The following MTRFR variants were observed in gnomAD, a reference collection of about 807,000 sequenced individuals.
The protein encoded by MTRFR is probable peptide chain release factor C12orf65, mitochondrial.
Under a neutral mutation model 11.9 loss-of-function variants are expected in MTRFR, and 10 were observed. The observed-to-expected ratio is 0.84, with a 90% CI of 0.52 to 1.42. The LOEUF (loss-of-function observed/expected upper bound fraction) is 1.42. Among genes scored for constraint, MTRFR ranks in the 40% most tolerant of loss-of-function variants. The pLI, the probability that MTRFR is intolerant of heterozygous loss-of-function variation, is 0.00. For missense variants in MTRFR, 196 were observed against 197.9 expected, an observed-to-expected ratio of 0.99 and a Z score of 0.06; for synonymous variants, 77 against 79.1, an observed-to-expected ratio of 0.97 and a Z score of 0.14.
intron 1 of MTRFR, chr12:123,251,622 T>G (rs112690433): frequency 0.052 from 7,994 of 152,522 alleles, 287 homozygotes; most frequent in Middle Eastern, 0.081. Flanking sequence ...AGTGGGGGGG[T>G]GTGTGTTCGG....
intron 1 of MTRFR, chr12:123,250,430 G>C (rs547870403): frequency 6.6e-6 from 1 of 152,230 alleles, no homozygotes; most frequent in East Asian, 1.9e-4. Flanking sequence ...ATGTTTTTTG[G>C]GGGGTGTTGA....
At chr12:123,236,264 TTTTC>T (rs967137692) in intron 1 of MTRFR, among the ~76,000 whole-genome samples, 3 of 152,168 alleles carry the variant, frequency 2.0e-5, no homozygotes, top group East Asian at 1.9e-4. Flanking sequence ...GCATCTCTTA[TTTTC>T]TTTATTTGTA....
intron 1 of MTRFR, among the ~76,000 whole-genome samples, chr12:123,245,923 T>C (rs764933732): frequency 1.3e-5 from 2 of 152,196 alleles, no homozygotes; most frequent in African/African-American, 2.4e-5. Context: ...TTGCTCTAGC[T>C]AGGACTTCCA....
At chr12:123,249,053 A>C (rs1049193339) in intron 1 of MTRFR, 1 of 151,984 alleles carries the variant, frequency 6.6e-6, no homozygotes, top group Non-Finnish European at 1.5e-5. Context: ...GCTAGACACA[A>C]AAGTTCTCCA....
intron 1 of MTRFR, chr12:123,248,662 C>T (rs569484299): frequency 6.6e-6 from 1 of 152,310 alleles, no homozygotes; most frequent in South Asian, 2.1e-4. Context: ...GAGTGAGCAG[C>T]AGTAACATTT....
At chr12:123,233,027 T>G (rs1267141287), upstream of MTRFR, 1 of 152,202 alleles carries the variant, frequency 6.6e-6, no homozygotes, top group Non-Finnish European at 1.5e-5. Context: ...AAGTCTCGTC[T>G]CCTGTCCCCA....
intron 1 of MTRFR, chr12:123,251,402 C>A (rs1038873188): frequency 3.3e-5 from 5 of 152,282 alleles, no homozygotes; most frequent in African/African-American, 4.8e-5. Context: ...CTAGAGAATT[C>A]TTCTCCCTGT....
intron 1 of MTRFR, chr12:123,250,862 T>C (rs1047194519): frequency 6.6e-6 from 1 of 152,230 alleles, no homozygotes; most frequent in Non-Finnish European, 1.5e-5. Flanking sequence ...TGTGGTAATA[T>C]GGGGAGGAAC....
chr12:123,255,617 CAG>C (rs904177384), intron 2 of MTRFR, among the ~76,000 whole-genome samples: 3 of 151,970 alleles, frequency 2.0e-5, no homozygotes, highest in African/African-American at 7.2e-5. Context: ...CCACCACACT[CAG>C]TGTTTTTTGT....
chr12:123,241,044 G>T (rs371298056), intron 1 of MTRFR, among the ~76,000 whole-genome samples: 2 of 150,012 alleles, frequency 1.3e-5, no homozygotes, highest in Non-Finnish European at 3.0e-5. Context: ...TCAGAGACAC[G>T]AAATGAAAGG....
intron 1 of MTRFR, among the ~76,000 whole-genome samples, chr12:123,235,686 CTTAA>C (rs1285187581): frequency 6.6e-6 from 1 of 151,260 alleles, no homozygotes; most frequent in Non-Finnish European, 1.5e-5. Flanking sequence ...AGTGAGTTAT[CTTAA>C]TTAATTGTTC....
At chr12:123,245,334 T>C (rs2048023803) in intron 1 of MTRFR, among the ~76,000 whole-genome samples, 1 of 152,220 alleles carries the variant, frequency 6.6e-6, no homozygotes, top group South Asian at 2.1e-4. Context: ...AGATTTGTAC[T>C]TTTTGCTTAG....
At chr12:123,236,901 C>T (rs560072046) in intron 1 of MTRFR, among the ~76,000 whole-genome samples, 3 of 151,932 alleles carry the variant, frequency 2.0e-5, no homozygotes, top group African/African-American at 7.2e-5. Flanking sequence ...CTGAGAAACA[C>T]GGTGAATCCC....
At chr12:123,247,995 T>C (rs962257957) in intron 1 of MTRFR, among the ~76,000 whole-genome samples, 44 of 152,238 alleles carry the variant, frequency 2.9e-4, no homozygotes, top group African/African-American at 9.1e-4. Flanking sequence ...TTGTGCTCTT[T>C]GTTGCCTGTG....
At chr12:123,244,960 T>TTTTTTTTTTTTA (rs71085871) in intron 1 of MTRFR, among the ~76,000 whole-genome samples, 1 of 118,426 alleles carries the variant, frequency 8.4e-6, no homozygotes, top group Non-Finnish European at 1.7e-5. Flanking sequence ...TTTTTTTTTT[T>TTTTTTTTTTTTA]AGACAGAGTC....
intron 1 of MTRFR, among the ~76,000 whole-genome samples, chr12:123,246,825 G>A (rs544634086): frequency 2.9e-5 from 4 of 136,880 alleles, no homozygotes; most frequent in Non-Finnish European, 6.1e-5. Context: ...CCACCTCCCG[G>A]GTTCACGCCA....
rs776309478 is a variant in MTRFR, at chr12:123,253,679, G to A, written c.5G>A (p.Ser2Asn). The A allele has an allele frequency of 2.5e-6, 4 of 1,614,114 alleles. No individual in the cohort carries two copies. The highest frequency in any genetic ancestry group is 1.1e-5 in the South Asian group (1 of 91,074). The change falls in exon 2 of 3, where the codon AGC becomes AAC. Residue 2 changes from serine (S) to asparagine (N), a missense_variant. Physicochemically the swap from Ser to Asn is conservative, Grantham distance 46. Coordinates refer to ENST00000253233, the MANE Select transcript of MTRFR (RefSeq NM_152269.5). Reference protein sequence around the residue: MSTVGLFHFPTP... With the variant: MNTVGLFHFPTP... Reference sequence around the variant, plus strand: ...GCCAGCAGAGCCACGTTCCTTATGAGCACCGTGGGTTTATTTCATTTTCCT... The same window carrying A: ...GCCAGCAGAGCCACGTTCCTTATGAACACCGTGGGTTTATTTCATTTTCCT...
chr12:123,253,888 G>A lies in MTRFR; in HGVS notation c.214G>A (p.Gly72Ser). ...EQFVKGHGPG[G>S]QATNKTSNCV... is the part of the protein sequence containing the mutation. ...GTTTGTGAAAGGACACGGTCCAGGG[G>A]GCCAGGCAACCAACAAAACCAGCAA... The change falls in exon 2 of 3, where the codon GGC becomes AGC. Residue 72 changes from glycine (G) to serine (S), a missense_variant. Physicochemically the swap from Gly to Ser is moderately conservative, Grantham distance 56. Transcript: ENST00000253233. 1.2e-6 allele frequency: 2 copies of A among 1,614,194 alleles called. No individual in the cohort carries two copies. Among genetic ancestry groups the A allele is most frequent in the Non-Finnish European group, 1.7e-6 (2 of 1,180,032 alleles).
At chr12:123,245,205 G>A (rs2048021402) in intron 1 of MTRFR, among the ~76,000 whole-genome samples, 1 of 152,034 alleles carries the variant, frequency 6.6e-6, no homozygotes, top group African/African-American at 2.4e-5. Context: ...CAAAGTGCTG[G>A]GATTACAGGC....
Sources: gnomAD v4.1 joint callset for allele counts (sites outside exome capture counted in the v4.1 genomes callset) on GRCh38, gnomAD v4.1.1 for gene constraint, MANE v1.5 for transcripts, NCBI Gene and HGNC (gene_info 2026-07-23, HGNC 2026-07-21) for gene names.